HECTD4: variants seen among roughly 807,000 people sequenced by gnomAD.
The protein encoded by HECTD4 is HECT domain E3 ubiquitin protein ligase 4, also known as probable E3 ubiquitin-protein ligase HECTD4.
HECTD4 carries 114 observed loss-of-function variants against 471.5 expected under a neutral mutation model. That is an observed-to-expected ratio of 0.24 (90% CI 0.21 to 0.28). The LOEUF is 0.28. HECTD4 is among the 10% of genes least tolerant of loss of function. The pLI, the probability that HECTD4 is intolerant of heterozygous loss-of-function variation, is 1.00. For missense variants in HECTD4, 3,866 were observed against 5,651.5 expected, an observed-to-expected ratio of 0.68 and a Z score of 10.13; for synonymous variants, 2,012 against 2,256.0, an observed-to-expected ratio of 0.89 and a Z score of 3.07.
chr12:112,177,859 G>A (rs1201804423), intron 64 of HECTD4, among the ~76,000 whole-genome samples: 2 of 152,192 alleles, frequency 1.3e-5, no homozygotes, highest in African/African-American at 4.8e-5. Context: ...AAAAGCTACA[G>A]AAGTAACCTT....
At chr12:112,301,996 A>G in intron 7 of HECTD4, 2 of 893,846 alleles carry the variant, frequency 2.2e-6, no homozygotes, top group Non-Finnish European at 3.7e-6. Context: ...TGTCATTGTC[A>G]TTGGTCCTGA....
chr12:112,365,255 T>C (rs2036535057), intron 1 of HECTD4, among the ~76,000 whole-genome samples: 1 of 152,162 alleles, frequency 6.6e-6, no homozygotes, highest in Admixed American at 6.6e-5. Context: ...TTAATCAATA[T>C]GGATTATTAC....
intron 1 of HECTD4, among the ~76,000 whole-genome samples, chr12:112,363,992 CAAAAAAAAAAAAA>C (rs1175386198): frequency 5.7e-5 from 3 of 52,886 alleles, no homozygotes; most frequent in Non-Finnish European, 1.1e-4. Flanking sequence ...ACTCAATCTC[CAAAAAAAAAAAAA>C]AAAAAAAAAA....
At chr12:112,350,584 G>C (rs1227217007) in intron 1 of HECTD4, among the ~76,000 whole-genome samples, 2 of 152,102 alleles carry the variant, frequency 1.3e-5, no homozygotes, top group African/African-American at 4.8e-5. Context: ...CAATCTGTCA[G>C]TATATTTTTA....
rs769276925 is a variant in HECTD4 at position 112,226,626 on chromosome 12, C to G, written c.6970+17G>C. 11 of 1,530,696 alleles carry G rather than the reference C, an allele frequency of 7.2e-6. No homozygotes were observed. In the Admixed American group the frequency reaches 1.9e-4, roughly 26 times the overall value. The allele number at this position is 1,530,696 out of a possible 1,614,324, so 94.8% of individuals were successfully genotyped here. On this transcript the variant is annotated intron_variant, in intron 44 of 75. Coordinates refer to ENST00000682272, the MANE Select transcript of HECTD4 (RefSeq NM_001388303.1). ...AATTCAATAAAACAGGGTGGTAAGG[C>G]AAGTTCAGGTACTCACCAGCACTAC...
chr12:112,373,994 ACT>A (rs1389958430), intron 1 of HECTD4, among the ~76,000 whole-genome samples: 1 of 141,676 alleles, frequency 7.1e-6, no homozygotes, highest in African/African-American at 2.7e-5. Flanking sequence ...ACAGAACGAG[ACT>A]CTGTCTCAAA....
At chr12:112,335,354 C>G (rs2035932933) in intron 1 of HECTD4, among the ~76,000 whole-genome samples, 1 of 152,052 alleles carries the variant, frequency 6.6e-6, no homozygotes, top group Non-Finnish European at 1.5e-5. Context: ...CTAAGAATGA[C>G]ACAATGGGGT....
intron 43 of HECTD4, among the ~76,000 whole-genome samples, chr12:112,227,822 T>C (rs1006152425): frequency 6.4e-4 from 98 of 152,176 alleles, no homozygotes; most frequent in African/African-American, 4.6e-4. Context: ...TGGAGCCTTA[T>C]GTATGTGTTT....
intron 54 of HECTD4, chr12:112,201,362 G>C (rs2032422275): frequency 6.0e-6 from 1 of 167,308 alleles, no homozygotes; most frequent in Non-Finnish European, 1.3e-5. Context: ...AAAGTGTTGG[G>C]ATTACAGGCG....
At chr12:112,325,156 A>G (rs2035715494) in intron 1 of HECTD4, among the ~76,000 whole-genome samples, 1 of 152,204 alleles carries the variant, frequency 6.6e-6, no homozygotes, top group Non-Finnish European at 1.5e-5. Flanking sequence ...TATAGCTTAG[A>G]AAAATGACAT....
At chr12:112,208,339 A>AC (rs2032657290) in intron 51 of HECTD4, among the ~76,000 whole-genome samples, 155 bp downstream of exon 51, 2 of 152,092 alleles carry the variant, frequency 1.3e-5, no homozygotes, top group Admixed American at 6.6e-5. Flanking sequence ...AAAAATTAAC[A>AC]CTCTAAGGTC....
At chr12:112,318,856 A>G (rs915439963) in intron 2 of HECTD4, among the ~76,000 whole-genome samples, 7 of 152,230 alleles carry the variant, frequency 4.6e-5, no homozygotes, top group Admixed American at 4.6e-4. Flanking sequence ...ATAGCTCTAT[A>G]AAGTTTTGAC....
Position 112,373,530 on chromosome 12 carries a change from C to A in HECTD4, c.177+8422G>T, listed in dbSNP as rs544028623. ...AAGTAAGACTCCATTTCAAAACAAA[C>A]AAAACAAAACAAAAATAATAAAAGT... On this transcript the variant is annotated intron_variant, in intron 1 of 75. Transcript: ENST00000682272. 1.2e-3 allele frequency among the ~76,000 whole-genome samples: 188 copies of A among 152,080 alleles called. 1 individual carries two copies. Among genetic ancestry groups the A allele is most frequent in the Non-Finnish European group, 1.3e-3 (86 of 67,994 alleles).
At position 112,210,260 on chromosome 12, in the gene HECTD4, G is replaced by A. The variant is rs963663814; in HGVS notation, c.7630-8C>T. On this transcript the variant is annotated splice_polypyrimidine_tract_variant and splice_region_variant and intron_variant, in intron 49 of 75. Transcript: ENST00000682272. ...AGCTCGGGTTTTGGTGTTCTGGAAAGGAGACCAAATGAAGGATTTGGAAAG... is the reference window on the plus strand; with the variant it reads ...AGCTCGGGTTTTGGTGTTCTGGAAAAGAGACCAAATGAAGGATTTGGAAAG... 8 of 1,611,610 alleles carry A rather than the reference G, an allele frequency of 5.0e-6. No homozygotes were observed. The highest frequency in any genetic ancestry group is 6.8e-6 in the Non-Finnish European group (8 of 1,177,804).
At chr12:112,377,929 A>G (rs940731375) in intron 1 of HECTD4, among the ~76,000 whole-genome samples, 1 of 152,228 alleles carries the variant, frequency 6.6e-6, no homozygotes, top group East Asian at 1.9e-4. Context: ...TTTTAATTCA[A>G]ATACTCTGGA....
Position 112,266,881 on chromosome 12 carries a change from T to G in HECTD4, c.2392+31A>C, listed in dbSNP as rs769683731. ...TCCTTGGGGACAAAAAAAGGACGGC[T>G]GTTCAAAGATAATTAAAGGATAATT... On this transcript the variant is annotated intron_variant, in intron 14 of 75. Coordinates refer to ENST00000682272, the MANE Select transcript of HECTD4 (RefSeq NM_001388303.1). 2.7e-6 allele frequency: 3 copies of G among 1,097,660 alleles called. No homozygotes were observed. In the South Asian group the frequency reaches 4.1e-5, roughly 15 times the overall value. The allele number at this position is 1,097,660 out of a possible 1,614,324, so 68.0% of individuals were successfully genotyped here. A position where few individuals can be genotyped will look rare whatever the true frequency, so the allele number is the denominator to read the frequency against.
intron 1 of HECTD4, among the ~76,000 whole-genome samples, chr12:112,354,800 T>C (rs1186828936): frequency 6.6e-6 from 1 of 152,110 alleles, no homozygotes; most frequent in Non-Finnish European, 1.5e-5. Flanking sequence ...TTCTCAACCA[T>C]GGTCTATGCT....
chr12:112,247,405 C>A, intron 28 of HECTD4, 57 bp downstream of exon 28: 1 of 791,860 alleles, frequency 1.3e-6, no homozygotes, highest in South Asian at 1.9e-5. Flanking sequence ...TAGACCTTTA[C>A]AGTGTGTTTT....
rs1188051733 is a variant in HECTD4 at position 112,170,349 on chromosome 12, T to C, written c.12036A>G (p.Pro4012=). 6.2e-7 allele frequency: 1 copy of C among 1,613,830 alleles called. No individual in the cohort carries two copies. The highest frequency in any genetic ancestry group is 8.5e-7 in the Non-Finnish European group (1 of 1,179,890). ...CAACCCCACCTCCCACAATTTCCAG[T>C]GGGTCCAAGGTGATCTCAGGGGCCG... ...DHAAPEITLD[P]LEIVGGEIRA... Residue 4012 remains proline, a synonymous_variant, in exon 69 of 76, where the codon CCA becomes CCG. Coordinates refer to ENST00000682272, the MANE Select transcript of HECTD4 (RefSeq NM_001388303.1).
Sources: gnomAD v4.1 joint callset for allele counts (sites outside exome capture counted in the v4.1 genomes callset) on GRCh38, gnomAD v4.1.1 for gene constraint, MANE v1.5 for transcripts, NCBI Gene and HGNC (gene_info 2026-07-23, HGNC 2026-07-21) for gene names.